The following FAM149B1 variants were observed in gnomAD, a reference collection of about 807,000 sequenced individuals.
FAM149B1 encodes the protein primary cilium assembly protein FAM149B1.
FAM149B1 carries 56 observed loss-of-function variants against 75.3 expected under a neutral mutation model. The observed-to-expected ratio is 0.74, with a 90% CI of 0.60 to 0.93. The LOEUF (loss-of-function observed/expected upper bound fraction) is 0.93, where lower values mean the gene tolerates loss of function less well. Among genes scored for constraint, FAM149B1 ranks in the 40% least tolerant of loss-of-function variants. The pLI is 0.00. For synonymous variants in FAM149B1, 259 were observed against 256.1 expected (o/e 1.01, Z -0.11); for missense variants, 639 against 708.4 (o/e 0.90, Z 1.11).
chr10:73,243,808 T>G lies in FAM149B1; in HGVS notation c.*2789T>G. 6.4e-7 allele frequency: 1 copy of G among 1,555,822 alleles called. No individual in the cohort carries two copies. The highest frequency in any genetic ancestry group is 8.8e-7 in the Non-Finnish European group (1 of 1,133,012). On this transcript the variant is annotated 3_prime_UTR_variant, in exon 14 of 14. Coordinates refer to ENST00000242505, the MANE Select transcript of FAM149B1 (RefSeq NM_173348.2). ...GAAAATATTAGCAGTAGGAATCAGATCATTAAAGATGTGGCAACAAACTGC... is the reference window on the plus strand; with the variant it reads ...GAAAATATTAGCAGTAGGAATCAGAGCATTAAAGATGTGGCAACAAACTGC...
chr10:73,215,830 T>C (rs189281491), intron 7 of FAM149B1, among the ~76,000 whole-genome samples: 1 of 152,342 alleles, frequency 6.6e-6, no homozygotes, highest in Admixed American at 6.5e-5. Flanking sequence ...TGGCCTAATA[T>C]TTGGTCTGTC....
At chr10:73,177,719 G>T in intron 2 of FAM149B1, 127 bp from the exon 3 acceptor site, 1 of 735,726 alleles carries the variant, frequency 1.4e-6, no homozygotes, top group Non-Finnish European at 2.1e-6. Flanking sequence ...ATTTATTTTT[G>T]CCTATGTGGA....
At chr10:73,180,471 T>G (rs765178007) in intron 3 of FAM149B1, among the ~76,000 whole-genome samples, 2 of 152,222 alleles carry the variant, frequency 1.3e-5, no homozygotes, top group African/African-American at 4.8e-5. Flanking sequence ...TCAGGAAGAT[T>G]TAGTATACTG....
intron 6 of FAM149B1, among the ~76,000 whole-genome samples, 200 bp from the exon 7 acceptor site, chr10:73,210,051 T>C (rs2043153587): frequency 6.6e-6 from 1 of 152,238 alleles, no homozygotes; most frequent in African/African-American, 2.4e-5. Flanking sequence ...TTTCCAAAGA[T>C]TGCCTCCTTC....
chr10:73,182,549 T>G (rs2042424166), intron 3 of FAM149B1, among the ~76,000 whole-genome samples: 2 of 152,228 alleles, frequency 1.3e-5, no homozygotes, highest in African/African-American at 4.8e-5. Context: ...GCAACACAGC[T>G]TCTGGCTGGC....
chr10:73,175,662 T>G (rs1471647909), intron 2 of FAM149B1, among the ~76,000 whole-genome samples: 2 of 124,716 alleles, frequency 1.6e-5, no homozygotes, highest in South Asian at 2.5e-4. Flanking sequence ...AGAGCGAGAC[T>G]CCTTCTCAAA....
intron 3 of FAM149B1, 132 bp from the exon 4 acceptor site, chr10:73,192,424 G>A (rs182781333): frequency 1.4e-4 from 118 of 835,744 alleles, no homozygotes; most frequent in Admixed American, 1.2e-3. Flanking sequence ...CTTTTCTTTC[G>A]TGGAAACACA....
At chr10:73,238,278 CAG>C (rs1346262581) in intron 12 of FAM149B1, among the ~76,000 whole-genome samples, 4 of 152,136 alleles carry the variant, frequency 2.6e-5, no homozygotes, top group Non-Finnish European at 4.4e-5. Flanking sequence ...GCCCAGGAGG[CAG>C]AGGTTGCAGT....
At chr10:73,194,601 G>T (rs1233532888) in intron 5 of FAM149B1, among the ~76,000 whole-genome samples, 1 of 151,678 alleles carries the variant, frequency 6.6e-6, no homozygotes, top group African/African-American at 2.4e-5. Flanking sequence ...CTGACCTCAT[G>T]ATCCACCCGC....
chr10:73,197,280 G>A (rs1366189865), intron 5 of FAM149B1, among the ~76,000 whole-genome samples: 1 of 152,168 alleles, frequency 6.6e-6, no homozygotes, highest in Non-Finnish European at 1.5e-5. Context: ...TGGGATTACA[G>A]GCATGATCTG....
At position 73,168,338 on chromosome 10, in the gene FAM149B1, G is replaced by GGAT. The variant is rs3834904; in HGVS notation, c.3_5dup. On this transcript the variant is annotated 5_prime_UTR_variant, in exon 1 of 14. The change creates a new upstream start codon in the 5' untranslated region. Coordinates refer to ENST00000242505, the MANE Select transcript of FAM149B1 (RefSeq NM_173348.2). ...AGGAGGAGGAGGAGGAGGAGGAGGA[G>GGAT]GATGATCTCCAGATACACTCGGAAG... 10 of 1,548,412 alleles carry GGAT rather than the reference G, an allele frequency of 6.5e-6. No individual in the cohort carries two copies. Among genetic ancestry groups the GGAT allele is most frequent in the South Asian group, 6.0e-5 (5 of 83,910 alleles).
intron 1 of FAM149B1, among the ~76,000 whole-genome samples, chr10:73,170,153 A>T (rs1485110014): frequency 6.6e-6 from 1 of 152,168 alleles, no homozygotes; most frequent in Non-Finnish European, 1.5e-5. Context: ...CTTTTAGGCA[A>T]ATTACTACAT....
chr10:73,233,236 T>C (rs2043752254), intron 10 of FAM149B1, 73 bp downstream of exon 10: 2 of 1,060,770 alleles, frequency 1.9e-6, no homozygotes, highest in Non-Finnish European at 2.8e-6. Context: ...TTAATTTAAA[T>C]ATAAGACTGA....
At chr10:73,221,476 C>G (rs1294559628) in intron 7 of FAM149B1, among the ~76,000 whole-genome samples, 2 of 152,144 alleles carry the variant, frequency 1.3e-5, no homozygotes, top group African/African-American at 4.8e-5. Context: ...CTGTCCATTT[C>G]TTCTCGCTTG....
intron 4 of FAM149B1, among the ~76,000 whole-genome samples, 200 bp from the exon 5 acceptor site, chr10:73,193,277 G>A (rs961632564): frequency 1.0e-4 from 15 of 148,498 alleles, no homozygotes; most frequent in African/African-American, 3.9e-4. Flanking sequence ...TGGGCTATAG[G>A]TTTATCTTTT....
At chr10:73,183,887 C>T (rs1440480173) in intron 3 of FAM149B1, among the ~76,000 whole-genome samples, 25 of 152,204 alleles carry the variant, frequency 1.6e-4, no homozygotes. Flanking sequence ...TGGAGAGACC[C>T]TATGCCCAAC....
intron 4 of FAM149B1, 73 bp downstream of exon 4, chr10:73,192,771 C>G: frequency 7.6e-7 from 1 of 1,315,996 alleles, no homozygotes. Flanking sequence ...AAAAAAAAAG[C>G]TTGTATTCTG....
chr10:73,239,347 G>T lies in FAM149B1; in HGVS notation c.1638G>T (p.Glu546Asp). The stretch of plus-strand genomic sequence containing the variant: ...AGTATCGTCGCTCATGTGCAGTTGA[G>T]TATCCTCATCAGGCCCGACCTGGCA... ...DTQYRRSCAVEYPHQARPGRG... is the reference protein window; with the variant it reads ...DTQYRRSCAVDYPHQARPGRG... Residue 546 changes from glutamate to aspartate, a missense_variant, in exon 13 of 14, where the codon GAG (glutamate) becomes GAT (aspartate). Coordinates refer to ENST00000242505, the MANE Select transcript of FAM149B1 (RefSeq NM_173348.2). 6.4e-7 allele frequency: 1 copy of T among 1,551,696 alleles called. No individual in the cohort carries two copies. The highest frequency in any genetic ancestry group is 1.4e-5 in the African/African-American group (1 of 73,164).
intron 5 of FAM149B1, 23 bp from the exon 6 acceptor site, chr10:73,208,596 T>G (rs765167704): frequency 4.1e-6 from 6 of 1,454,142 alleles, no homozygotes; most frequent in Non-Finnish European, 5.5e-6. Context: ...TAATTAATAT[T>G]TACTTCTTTT....
Sources: gnomAD v4.1 joint callset for allele counts (sites outside exome capture counted in the v4.1 genomes callset) on GRCh38, gnomAD v4.1.1 for gene constraint, MANE v1.5 for transcripts, NCBI Gene and HGNC (gene_info 2026-07-23, HGNC 2026-07-21) for gene names.